Variants in FAM78B observed in about 807,000 individuals in gnomAD.
The protein encoded by FAM78B is protein FAM78B.
In FAM78B, 10 loss-of-function variants were observed where a neutral mutation model predicts 20.0. That is an observed-to-expected ratio of 0.50 (90% CI 0.31 to 0.85). The LOEUF (loss-of-function observed/expected upper bound fraction) is 0.85. FAM78B is among the 40% of genes least tolerant of loss of function. The probability of loss-of-function intolerance (pLI) is 0.05; values close to 1 mark genes in which losing one functional copy is unlikely to be tolerated. For missense variants in FAM78B, 283 were observed against 345.0 expected (o/e 0.82, Z 1.42); for synonymous variants, 135 against 132.8 (o/e 1.02, Z -0.12).
chr1:166,129,509 A>G (rs1654793852), intron 1 of FAM78B, among the ~76,000 whole-genome samples: 1 of 152,216 alleles, frequency 6.6e-6, no homozygotes, highest in Non-Finnish European at 1.5e-5. Flanking sequence ...GAAGTGTGTG[A>G]GACCTTTTCA....
intron 2 of FAM78B, among the ~76,000 whole-genome samples, chr1:166,062,877 C>T (rs889621030): frequency 2.0e-5 from 3 of 152,172 alleles, no homozygotes; most frequent in African/African-American, 4.8e-5. Context: ...AATTGAAGGG[C>T]GGGGTGAAGG....
chr1:166,142,437 T>G (rs1571200342), intron 1 of FAM78B, among the ~76,000 whole-genome samples: 1 of 152,156 alleles, frequency 6.6e-6, no homozygotes, highest in East Asian at 1.9e-4. Context: ...GAGTCAGTGG[T>G]GCATTAGCAC....
chr1:166,133,288 G>A (rs1271011820), intron 1 of FAM78B, among the ~76,000 whole-genome samples: 1 of 152,180 alleles, frequency 6.6e-6, no homozygotes, highest in Non-Finnish European at 1.5e-5. Context: ...GGTCCACTCT[G>A]GTCTTCCTCA....
At chr1:166,165,089 C>T (rs1178702793) in intron 1 of FAM78B, 2 of 152,224 alleles carry the variant, frequency 1.3e-5, no homozygotes, top group Non-Finnish European at 2.9e-5. Context: ...TGGTCTTCAC[C>T]GCAGCAGCCA....
At chr1:166,109,858 AT>A (rs1653953735) in intron 1 of FAM78B, among the ~76,000 whole-genome samples, 3 of 28,108 alleles carry the variant, frequency 1.1e-4, no homozygotes, top group Admixed American at 4.4e-4. Flanking sequence ...ATATATATAT[AT>A]ATGTATGTGT....
At chr1:166,088,264 C>T (rs1652915162) in intron 1 of FAM78B, among the ~76,000 whole-genome samples, 1 of 152,182 alleles carries the variant, frequency 6.6e-6, no homozygotes, top group African/African-American at 2.4e-5. Context: ...TATGACTCGT[C>T]TGTATTCAGG....
At chr1:166,107,525 G>T (rs1198832928) in intron 1 of FAM78B, among the ~76,000 whole-genome samples, 1 of 152,020 alleles carries the variant, frequency 6.6e-6, no homozygotes, top group African/African-American at 2.4e-5. Context: ...AACAAAAAAA[G>T]TCCAGGACCA....
intron 1 of FAM78B, among the ~76,000 whole-genome samples, chr1:166,092,362 C>T (rs1051172602): frequency 7.2e-5 from 11 of 152,214 alleles, no homozygotes; most frequent in African/African-American, 2.7e-4. Context: ...CCAACCCTCC[C>T]TGGCATTGCT....
intron 1 of FAM78B, among the ~76,000 whole-genome samples, chr1:166,140,396 T>G (rs1471699335): frequency 1.3e-5 from 2 of 152,318 alleles, no homozygotes; most frequent in African/African-American, 4.8e-5. Flanking sequence ...CCAGATATTG[T>G]TGGGGGCCAG....
At chr1:166,095,352 G>GCCATCTTTA (rs1653238800) in intron 1 of FAM78B, among the ~76,000 whole-genome samples, 1 of 152,266 alleles carries the variant, frequency 6.6e-6, no homozygotes, top group Admixed American at 6.5e-5. Context: ...GAGGTGTGCT[G>GCCATCTTTA]AACAGTCTGG....
chr1:166,158,202 G>A (rs1655990106), intron 1 of FAM78B, among the ~76,000 whole-genome samples: 1 of 152,190 alleles, frequency 6.6e-6, no homozygotes, highest in African/African-American at 2.4e-5. Flanking sequence ...GTACATGACT[G>A]TGGTCCCAAC....
At chr1:166,084,237 A>ACACTCTCTCTCT (rs771421402) in intron 1 of FAM78B, among the ~76,000 whole-genome samples, 1,319 of 125,414 alleles carry the variant, frequency 0.011, 6 homozygotes, top group Middle Eastern at 0.033. Context: ...ACACACACAC[A>ACACTCTCTCTCT]CTCTCTCTCT....
chr1:166,083,395 T>G (rs1019763801), intron 1 of FAM78B, among the ~76,000 whole-genome samples: 3 of 152,168 alleles, frequency 2.0e-5, no homozygotes, highest in East Asian at 1.9e-4. Context: ...AAGACCTGCA[T>G]GCAAATCTGG....
chr1:166,105,920 G>A (rs566716110), intron 1 of FAM78B, among the ~76,000 whole-genome samples: 19 of 151,474 alleles, frequency 1.3e-4, no homozygotes, highest in African/African-American at 3.4e-4. Flanking sequence ...TGTTTATTGC[G>A]GCACTATTCA....
At chr1:166,157,818 C>T (rs547713800) in intron 1 of FAM78B, among the ~76,000 whole-genome samples, 84 of 152,228 alleles carry the variant, frequency 5.5e-4, no homozygotes, top group African/African-American at 1.7e-3. Flanking sequence ...TGTAGGCACA[C>T]GGCTAAAAGC....
chr1:166,098,994 C>T (rs1052888920), intron 1 of FAM78B, among the ~76,000 whole-genome samples: 5 of 152,160 alleles, frequency 3.3e-5, no homozygotes, highest in Non-Finnish European at 7.3e-5. Flanking sequence ...AGCTGTGAGA[C>T]AGAAGCATCA....
intron 1 of FAM78B, among the ~76,000 whole-genome samples, chr1:166,075,674 AGTGTCC>A (rs1418042293): frequency 6.6e-6 from 1 of 152,218 alleles, no homozygotes; most frequent in Non-Finnish European, 1.5e-5. Flanking sequence ...TTTATTTCTC[AGTGTCC>A]TTTGCTAGTT....
At chr1:166,138,375 A>G (rs1348421813) in intron 1 of FAM78B, among the ~76,000 whole-genome samples, 1 of 151,898 alleles carries the variant, frequency 6.6e-6, no homozygotes, top group Non-Finnish European at 1.5e-5. Flanking sequence ...CAGGGATCTC[A>G]AGAAAAAGCA....
At chr1:166,086,125 C>T (rs1333874167) in intron 1 of FAM78B, among the ~76,000 whole-genome samples, 12 of 148,148 alleles carry the variant, frequency 8.1e-5, no homozygotes, top group East Asian at 2.0e-4. Context: ...CTAAATGACT[C>T]GCCATTGTCA....
Sources: allele counts gnomAD v4.1 joint callset (sites outside exome capture counted in the v4.1 genomes callset), GRCh38; gene constraint gnomAD v4.1.1; transcripts MANE v1.5; gene names NCBI Gene and HGNC (gene_info 2026-07-23, HGNC 2026-07-21).